SOCS2: variants seen among roughly 807,000 people sequenced by gnomAD.
SOCS2 encodes the protein CIS-2.
A neutral mutation model predicts 18.6 loss-of-function variants in SOCS2; 10 were observed. The observed-to-expected ratio is 0.54, with a 90% CI of 0.33 to 0.91. SOCS2 has a LOEUF of 0.91. Among genes scored for constraint, SOCS2 ranks in the 40% least tolerant of loss-of-function variants. The pLI is 0.02. For missense variants in SOCS2, 231 were observed against 247.2 expected (o/e 0.93, Z 0.44); for synonymous variants, 104 against 104.0 (o/e 1.00, Z 0.00).
At chr12:93,584,342 C>A (rs1459696042), downstream of SOCS2, among the ~76,000 whole-genome samples, 5 of 152,214 alleles carry the variant, frequency 3.3e-5, no homozygotes, top group African/African-American at 4.8e-5. Flanking sequence ...AAAATCTCAG[C>A]TTGAGTGACT....
At chr12:93,614,421 CTTTCT>C in the SOCS2 span, among the ~76,000 whole-genome samples, 1 of 104,058 alleles carries the variant, frequency 9.6e-6, no homozygotes, top group Non-Finnish European at 1.9e-5. Flanking sequence ...TTCTTTCTTC[CTTTCT>C]TTCCCTTCCT....
the SOCS2 span, among the ~76,000 whole-genome samples, chr12:93,605,500 A>G: frequency 6.6e-6 from 1 of 152,222 alleles, no homozygotes. Flanking sequence ...GGAAATGTTA[A>G]TAGTTGTTGA....
At chr12:93,578,507 G>C (rs1011883168), downstream of SOCS2, among the ~76,000 whole-genome samples, 1 of 152,092 alleles carries the variant, frequency 6.6e-6, no homozygotes, top group Non-Finnish European at 1.5e-5. Context: ...CTATCCTTTA[G>C]AGCAAAACAA....
rs1267576675 is a variant in SOCS2 at position 93,575,204 on chromosome 12, C to T, written c.*25C>T. The T allele has an allele frequency of 2.7e-6, 4 of 1,487,836 alleles. No homozygotes were observed. In the Admixed American group the frequency reaches 6.9e-5, roughly 26 times the overall value. The allele number at this position is 1,487,836 out of a possible 1,614,324, so 92.2% of individuals were successfully genotyped here. ...AATGTTTCTCTTTTTTTAAACATGT[C>T]TCACATAGAGTATCTCCGAATGCAG... is the stretch of plus-strand genomic sequence containing the variant. On this transcript the variant is annotated 3_prime_UTR_variant, in exon 2 of 2. Coordinates refer to ENST00000551556, the MANE Select transcript of SOCS2 (RefSeq NM_001270471.2).
chr12:93,606,928 C>G, the SOCS2 span, among the ~76,000 whole-genome samples: 1 of 152,228 alleles, frequency 6.6e-6, no homozygotes, highest in Non-Finnish European at 1.5e-5. Flanking sequence ...GCTGACCTTA[C>G]AGGCGTGAGC....
At chr12:93,584,495 T>A (rs891820710), downstream of SOCS2, among the ~76,000 whole-genome samples, 2 of 152,180 alleles carry the variant, frequency 1.3e-5, no homozygotes, top group African/African-American at 4.8e-5. Context: ...GTTTTCTCAC[T>A]CTTTTGTTCA....
chr12:93,574,855 A>T lies in SOCS2; in HGVS notation c.273A>T (p.Gly91=). ...CAATATCTGTTAAAACATCAGCTGG[A>T]CCAACTAATCTTCGAATCGAATACC... ...LLTISVKTSA[G]PTNLRIEYQD... The change falls in exon 2 of 2, where the codon GGA becomes GGT. Residue 91 remains glycine (G), a synonymous_variant. Coordinates refer to ENST00000551556, the MANE Select transcript of SOCS2 (RefSeq NM_001270471.2). The T allele has an allele frequency of 1.2e-6, 2 of 1,614,228 alleles. No individual in the cohort carries two copies.
In SOCS2 at chr12:93,575,239, A is replaced by G; in HGVS notation, c.*60A>G. On this transcript the variant is annotated 3_prime_UTR_variant, in exon 2 of 2. Transcript: ENST00000551556. ...GTATCTCCGAATGCAGCTATGTAAA[A>G]GAGAACCAAAACTTGAGTGCTCTGG... is the stretch of plus-strand genomic sequence containing the variant. 1.6e-6 allele frequency: 2 copies of G among 1,269,972 alleles called. No homozygotes were observed. The highest frequency in any genetic ancestry group is 3.3e-5 in the South Asian group (2 of 60,716). 78.7% of individuals were successfully genotyped at this position (1,269,972 alleles called of 1,614,324 possible).
At chr12:93,585,878 A>G (rs1954581922), downstream of SOCS2, among the ~76,000 whole-genome samples, 1 of 152,184 alleles carries the variant, frequency 6.6e-6, no homozygotes, top group South Asian at 2.1e-4. Flanking sequence ...CTCTTATATG[A>G]AACGGTATAG....
At chr12:93,571,956 C>A (rs865791743), upstream of SOCS2, 4 of 330,404 alleles carry the variant, frequency 1.2e-5, no homozygotes, top group Non-Finnish European at 2.4e-5. Context: ...CCGCAGCGCT[C>A]GCGACCGCCC....
the SOCS2 span, among the ~76,000 whole-genome samples, chr12:93,593,770 C>A: frequency 1.3e-5 from 2 of 152,134 alleles, no homozygotes; most frequent in African/African-American, 4.8e-5. Flanking sequence ...AGAATAAGAT[C>A]TGGGTGTCAG....
At chr12:93,605,047 T>TC in the SOCS2 span, among the ~76,000 whole-genome samples, 1 of 151,980 alleles carries the variant, frequency 6.6e-6, no homozygotes, top group Admixed American at 6.5e-5. Context: ...TCCCCACTCC[T>TC]GCCCCAGTAG....
Position 93,572,888 on chromosome 12 carries a change from C to T in SOCS2, c.-10C>T, listed in dbSNP as rs1954305639. Reference sequence around the variant, plus strand: ...CGGCCACCTGTCTTTGCCGCGGTGACCCTTCTCTCATGACCCTGCGGTGCC... The same window carrying T: ...CGGCCACCTGTCTTTGCCGCGGTGATCCTTCTCTCATGACCCTGCGGTGCC... On this transcript the variant is annotated 5_prime_UTR_variant, in exon 1 of 2. Coordinates refer to ENST00000551556, the MANE Select transcript of SOCS2 (RefSeq NM_001270471.2). This position sits in a 1 kb window ranked among gnomAD's most constrained non-coding sequence, Gnocchi z 5.0. The T allele has an allele frequency of 4.5e-6, 7 of 1,570,000 alleles. No individual in the cohort carries two copies. The South Asian group carries it at 5.9e-5, about 13-fold the overall frequency.
the SOCS2 span, among the ~76,000 whole-genome samples, chr12:93,596,582 C>T: frequency 6.6e-6 from 1 of 152,166 alleles, no homozygotes; most frequent in Non-Finnish European, 1.5e-5. Context: ...AATCCCAGCA[C>T]TTTGGGAGGC....
chr12:93,578,682 G>A (rs987839806), downstream of SOCS2, among the ~76,000 whole-genome samples: 10 of 146,560 alleles, frequency 6.8e-5, no homozygotes, highest in South Asian at 6.5e-4. Flanking sequence ...TTGCATGCTC[G>A]CACACACACA....
At chr12:93,580,697 T>G (rs1175984403), downstream of SOCS2, among the ~76,000 whole-genome samples, 2 of 151,874 alleles carry the variant, frequency 1.3e-5, no homozygotes, top group Non-Finnish European at 2.9e-5. Context: ...TTGTTTGACT[T>G]CCCATTTTAA....
the SOCS2 span, among the ~76,000 whole-genome samples, chr12:93,611,016 A>G: frequency 5.3e-5 from 8 of 152,072 alleles, no homozygotes; most frequent in Non-Finnish European, 1.0e-4. Context: ...AGGGTTCCTT[A>G]CATCCCTAGG....
Position 93,572,979 on chromosome 12 carries a change from G to T in SOCS2, c.82G>T (p.Glu28Ter). The change falls in exon 1 of 2, where the codon GAG becomes TAG. Residue 28 changes from glutamate (E) to a stop codon, truncating the protein, a stop_gained. Transcript: ENST00000551556. LOFTEE classifies it high-confidence loss of function. The surrounding 1 kb of genome is among the most constrained non-coding windows in gnomAD (Gnocchi z 5.0). ...GTGGGGGACCGCGGGGTCGGCGGAG[G>T]AGCCATCCCCGCAGGCGGCGCGTCT... is the stretch of plus-strand genomic sequence containing the variant. ...SQWGTAGSAE[E>*]PSPQAARLAK... The T allele has an allele frequency of 6.4e-7, 1 of 1,570,058 alleles. No homozygotes were observed.
the SOCS2 span, among the ~76,000 whole-genome samples, chr12:93,614,469 T>TC: frequency 3.8e-4 from 36 of 95,682 alleles, no homozygotes; most frequent in African/African-American, 8.8e-4. Context: ...CTTCCTTCCT[T>TC]CCTTCCTTCC....
Sources: allele counts gnomAD v4.1 joint callset (sites outside exome capture counted in the v4.1 genomes callset), GRCh38; gene constraint gnomAD v4.1.1; non-coding constraint Gnocchi (gnomAD v3.1); transcripts MANE v1.5; gene names NCBI Gene and HGNC (gene_info 2026-07-23, HGNC 2026-07-21).